ANKS1B: variants seen among roughly 807,000 people sequenced by gnomAD.
ANKS1B encodes ankyrin repeat and sterile alpha motif domain containing 1B, also known as ankyrin repeat and sterile alpha motif domain-containing protein 1B.
Under a neutral mutation model 148.3 loss-of-function variants are expected in ANKS1B, and 36 were observed. That is an observed-to-expected ratio of 0.24 (90% confidence interval 0.19 to 0.32). The LOEUF is 0.32. Among genes scored for constraint, ANKS1B ranks in the 10% least tolerant of loss-of-function variants. ANKS1B has a pLI of 1.00. For synonymous variants in ANKS1B, 542 were observed against 560.8 expected (o/e 0.97, Z 0.47); for missense variants, 1,157 against 1,542.6 (o/e 0.75, Z 4.19).
At chr12:99,779,644 G>A (rs904872213) in intron 6 of ANKS1B, among the ~76,000 whole-genome samples, 4 of 151,836 alleles carry the variant, frequency 2.6e-5, no homozygotes. Context: ...ATTATCAAAT[G>A]AGTAAATAAA....
At chr12:99,765,388 G>T (rs73145424) in intron 8 of ANKS1B, among the ~76,000 whole-genome samples, 34,198 of 151,970 alleles carry the variant, frequency 0.23, 4,411 homozygotes, top group Non-Finnish European at 0.3. Context: ...GCTGGTTCAC[G>T]TAGCAGTTGT....
intron 9 of ANKS1B, among the ~76,000 whole-genome samples, chr12:98,738,676 G>A (rs1398316606): frequency 6.6e-6 from 1 of 152,140 alleles, no homozygotes; most frequent in Non-Finnish European, 1.5e-5. Context: ...TAGATAGAAA[G>A]GCCAAGACTC....
intron 17 of ANKS1B, among the ~76,000 whole-genome samples, chr12:98,899,075 C>T (rs1260427144): frequency 6.6e-6 from 1 of 152,052 alleles, no homozygotes; most frequent in Non-Finnish European, 1.5e-5. Context: ...ATGTAAGGCC[C>T]TTTGTAAGAT....
At chr12:99,153,347 C>G (rs545750535) in intron 15 of ANKS1B, among the ~76,000 whole-genome samples, 1 of 152,248 alleles carries the variant, frequency 6.6e-6, no homozygotes, top group Non-Finnish European at 1.5e-5. Context: ...CTTATTTCCA[C>G]AAGTCATTTG....
intron 1 of ANKS1B, among the ~76,000 whole-genome samples, chr12:99,898,749 C>G (rs930788351): frequency 2.0e-5 from 3 of 152,066 alleles, no homozygotes; most frequent in Non-Finnish European, 4.4e-5. Flanking sequence ...TATAAGAAGG[C>G]AGGAGAGCCA....
chr12:99,618,363 C>T (rs943909740), intron 9 of ANKS1B, among the ~76,000 whole-genome samples: 6 of 152,146 alleles, frequency 3.9e-5, no homozygotes, highest in African/African-American at 9.7e-5. Flanking sequence ...CTCTATACTG[C>T]GTTTTTTCCC....
chr12:99,554,218 GA>G (rs1388965178), intron 9 of ANKS1B, among the ~76,000 whole-genome samples: 2 of 152,092 alleles, frequency 1.3e-5, no homozygotes, highest in Admixed American at 1.3e-4. Context: ...TCTTAAAGAA[GA>G]AAAGTAACCC....
At chr12:99,348,000 T>C (rs994361851) in intron 12 of ANKS1B, among the ~76,000 whole-genome samples, 1 of 151,866 alleles carries the variant, frequency 6.6e-6, no homozygotes, top group African/African-American at 2.4e-5. Context: ...GCAGAAATGA[T>C]ATAAAGGAAA....
intron 1 of ANKS1B, among the ~76,000 whole-genome samples, chr12:99,945,720 C>T (rs1031875302): frequency 2.6e-5 from 4 of 152,138 alleles, no homozygotes; most frequent in African/African-American, 9.7e-5. Flanking sequence ...CTGTTGGTGA[C>T]GTGGAACACA....
chr12:98,781,444 A>T, intron 23 of ANKS1B: 1 of 597,444 alleles, frequency 1.7e-6, no homozygotes. Context: ...GCCCTTGAGG[A>T]TCTAAAAAGA....
chr12:99,777,741 C>T lies in ANKS1B; in HGVS notation c.848-2080G>A, dbSNP rs1331752624. Among the ~76,000 whole-genome samples the T allele has an allele frequency of 2.0e-5, 3 of 152,034 alleles. No homozygotes were observed. In the East Asian group the frequency reaches 6.0e-4, roughly 30 times the overall value. On this transcript the variant is annotated intron_variant, in intron 6 of 26. Coordinates refer to ENST00000683438, the MANE Select transcript of ANKS1B (RefSeq NM_001352186.2). Reference sequence around the variant, plus strand: ...CTGGGACTACAGGCGCCCACCACCGCGCCCGGCTAAGTTTTTGTATTTTTA... The same window carrying T: ...CTGGGACTACAGGCGCCCACCACCGTGCCCGGCTAAGTTTTTGTATTTTTA...
intron 10 of ANKS1B, among the ~76,000 whole-genome samples, chr12:99,464,457 G>C (rs1317036130): frequency 1.3e-5 from 2 of 152,226 alleles, no homozygotes; most frequent in African/African-American, 4.8e-5. Flanking sequence ...ACTTTGACGA[G>C]TTGAGAGAAG....
chr12:99,129,069 A>T (rs2065286729), intron 15 of ANKS1B, among the ~76,000 whole-genome samples: 1 of 152,210 alleles, frequency 6.6e-6, no homozygotes, highest in Non-Finnish European at 1.5e-5. Flanking sequence ...GAACAAATTG[A>T]GTTGCAGTAG....
intron 17 of ANKS1B, among the ~76,000 whole-genome samples, chr12:98,953,987 C>T (rs2099858297): frequency 6.6e-6 from 1 of 152,138 alleles, no homozygotes; most frequent in South Asian, 2.1e-4. Context: ...AAGTTCTTGG[C>T]CCTTGTTGTC....
At chr12:98,843,225 T>C (rs1215981391) in intron 17 of ANKS1B, among the ~76,000 whole-genome samples, 1 of 152,246 alleles carries the variant, frequency 6.6e-6, no homozygotes, top group Non-Finnish European at 1.5e-5. Context: ...ATCTGGGTCA[T>C]GAGGTGGCGA....
rs117746652 is a variant in ANKS1B, at chr12:99,497,066, C to T, written c.1438+7410G>A. On this transcript the variant is annotated intron_variant, in intron 10 of 26. Transcript: ENST00000683438. ...TCAGTGTCCAAGGGGAATTGGTTCC[C>T]AGACTCCCTGTTGAGGAGGATTGGG... 3.9e-4 allele frequency among the ~76,000 whole-genome samples: 59 copies of T among 152,254 alleles called. 1 individual carries two copies. In the East Asian group the frequency reaches 0.011, roughly 29 times the overall value.
intron 9 of ANKS1B, among the ~76,000 whole-genome samples, chr12:99,543,573 A>G (rs907210476): frequency 6.6e-6 from 1 of 152,160 alleles, no homozygotes; most frequent in African/African-American, 2.4e-5. Context: ...TGAACAACCC[A>G]AATGCCTACC....
intron 1 of ANKS1B, among the ~76,000 whole-genome samples, chr12:99,834,550 A>G (rs1358382357): frequency 6.6e-6 from 1 of 152,198 alleles, no homozygotes; most frequent in African/African-American, 2.4e-5. Context: ...TTTCTACCAA[A>G]CTTTCAAATA....
At chr12:99,316,294 G>C (rs543280102) in intron 12 of ANKS1B, among the ~76,000 whole-genome samples, 5 of 152,228 alleles carry the variant, frequency 3.3e-5, no homozygotes, top group African/African-American at 1.2e-4. Flanking sequence ...CCAACAGTGT[G>C]AAAGTGTTCC....
Sources: gnomAD v4.1 joint callset for allele counts (sites outside exome capture counted in the v4.1 genomes callset) on GRCh38, gnomAD v4.1.1 for gene constraint, MANE v1.5 for transcripts, NCBI Gene and HGNC (gene_info 2026-07-23, HGNC 2026-07-21) for gene names.